Variants in MAML2 observed in about 807,000 individuals in gnomAD.
The protein encoded by MAML2 is mastermind like transcriptional coactivator 2, also known as mastermind-like protein 2.
A neutral mutation model predicts 96.1 loss-of-function variants in MAML2; 22 were observed. The ratio of observed to expected loss-of-function variants is 0.23; its 90% CI spans 0.16 to 0.33. The LOEUF is 0.33. Among genes scored for constraint, MAML2 ranks in the 10% least tolerant of loss-of-function variants. The pLI, the probability that MAML2 is intolerant of heterozygous loss-of-function variation, is 1.00. For synonymous variants in MAML2, 561 were observed against 521.3 expected, an observed-to-expected ratio of 1.08 and a Z score of -1.04; for missense variants, 1,367 against 1,392.4, an observed-to-expected ratio of 0.98 and a Z score of 0.29.
intron 1 of MAML2, among the ~76,000 whole-genome samples, chr11:96,331,736 C>T (rs376138345): frequency 1.6e-4 from 24 of 149,070 alleles, no homozygotes; most frequent in East Asian, 1.6e-3. Context: ...GGGAATCACG[C>T]GAACCCAGGA....
intron 1 of MAML2, among the ~76,000 whole-genome samples, chr11:96,280,640 A>G (rs1356552841): frequency 1.3e-5 from 2 of 152,226 alleles, no homozygotes; most frequent in Admixed American, 1.3e-4. Context: ...CCTAAGGTGA[A>G]AGACTCACTG....
chr11:96,246,015 A>G (rs1862507982), intron 1 of MAML2, among the ~76,000 whole-genome samples: 1 of 150,854 alleles, frequency 6.6e-6, no homozygotes, highest in South Asian at 2.1e-4. Context: ...TTAATTCTTT[A>G]TATTTCACAT....
In MAML2 at chr11:96,092,605, C is replaced by T. The variant is rs1422917113; in HGVS notation, c.1426G>A (p.Gly476Arg). 3 of 1,611,954 alleles carry T rather than the reference C, an allele frequency of 1.9e-6. No homozygotes were observed. Among genetic ancestry groups the T allele is most frequent in the South Asian group, 1.1e-5 (1 of 90,998 alleles). The change falls in exon 2 of 5, where the codon GGG becomes AGG. Residue 476 changes from glycine to arginine, a missense_variant. By Grantham distance (125) the Gly-to-Arg change is moderately radical. Coordinates refer to ENST00000524717, the MANE Select transcript of MAML2 (RefSeq NM_032427.4). The surrounding 1 kb of genome is among the most constrained non-coding windows in gnomAD (Gnocchi z 4.1). ...GAAGGGCTGGGGATTTTCTCCTGCCCAAATGGACCTGGTGATGGTCCAGCA... is the reference window on the plus strand; with the variant it reads ...GAAGGGCTGGGGATTTTCTCCTGCCTAAATGGACCTGGTGATGGTCCAGCA... Reference protein sequence around the residue: ...SSAGPSPGPFGQEKIPSPSFG... With the variant: ...SSAGPSPGPFRQEKIPSPSFG...
chr11:96,295,686 AC>A, intron 1 of MAML2, among the ~76,000 whole-genome samples: 1 of 94,666 alleles, frequency 1.1e-5, no homozygotes, highest in Admixed American at 1.1e-4. Context: ...GCTGTAACAC[AC>A]ACACACACAC....
intron 2 of MAML2, among the ~76,000 whole-genome samples, chr11:96,052,608 T>G (rs781332097): frequency 1.3e-5 from 2 of 152,188 alleles, no homozygotes; most frequent in Non-Finnish European, 2.9e-5. Context: ...TGGTTCCTTT[T>G]TATCCACCAG....
chr11:96,008,037 AAAT>A lies in MAML2; in HGVS notation c.2140-16317_2140-16315del, dbSNP rs199712053. Among the ~76,000 whole-genome samples, 182 of 112,056 alleles carry A rather than the reference AAAT, an allele frequency of 1.6e-3. 1 individual carries two copies. The highest frequency in any genetic ancestry group is 7.8e-3 in the East Asian group (21 of 2,688). 73.5% of individuals were successfully genotyped at this position (112,056 alleles called of 152,430 possible). ...AACTTAAAGTATAAAAAAAAAAAAA[AAAT>A]TTTTCAGTGAAATGACGAATATCAA... is the stretch of plus-strand genomic sequence containing the variant. On this transcript the variant is annotated intron_variant, in intron 2 of 4. Transcript: ENST00000524717.
chr11:96,255,223 T>G (rs1862645566), intron 1 of MAML2, among the ~76,000 whole-genome samples: 1 of 152,236 alleles, frequency 6.6e-6, no homozygotes, highest in Non-Finnish European at 1.5e-5. Context: ...AAAGACAAAA[T>G]TATCAATATG....
intron 2 of MAML2, among the ~76,000 whole-genome samples, chr11:95,996,881 C>CCAA (rs2135714118): frequency 6.6e-6 from 1 of 152,152 alleles, no homozygotes; most frequent in Admixed American, 6.5e-5. Flanking sequence ...TGTTTTTTCC[C>CCAA]CAACACACAT....
intron 2 of MAML2, among the ~76,000 whole-genome samples, chr11:96,058,381 C>G (rs1213028370): frequency 2.0e-5 from 3 of 152,048 alleles, no homozygotes; most frequent in African/African-American, 7.2e-5. Flanking sequence ...GTGCAGTGGC[C>G]CGATCTTGGC....
At chr11:96,307,219 T>C (rs1217008153) in intron 1 of MAML2, among the ~76,000 whole-genome samples, 1 of 152,238 alleles carries the variant, frequency 6.6e-6, no homozygotes, top group African/African-American at 2.4e-5. Context: ...AGGATATCAT[T>C]GCAGCCAGCC....
At chr11:96,197,557 T>C (rs953530374) in intron 1 of MAML2, among the ~76,000 whole-genome samples, 1 of 152,208 alleles carries the variant, frequency 6.6e-6, no homozygotes, top group African/African-American at 2.4e-5. Context: ...TCATTTCTCG[T>C]ATCTTTATTG....
intron 1 of MAML2, among the ~76,000 whole-genome samples, chr11:96,299,060 A>AATATATATATATATATATATAT (rs1555037073): frequency 1.8e-3 from 100 of 56,248 alleles, no homozygotes; most frequent in South Asian, 2.7e-3. Context: ...AAAAAAAAAA[A>AATATATATATATATATATATAT]ATATATATAT....
intron 2 of MAML2, among the ~76,000 whole-genome samples, chr11:96,038,304 C>A (rs553286435): frequency 4.5e-4 from 69 of 152,316 alleles, no homozygotes; most frequent in Middle Eastern, 6.8e-3. Flanking sequence ...TACACATCTT[C>A]ATCGTTCCTT....
chr11:96,029,255 T>C (rs899064649), intron 2 of MAML2, among the ~76,000 whole-genome samples: 2 of 152,068 alleles, frequency 1.3e-5, no homozygotes, highest in African/African-American at 4.8e-5. Context: ...TGAGACTATT[T>C]CAGGAAATTA....
At chr11:96,004,884 T>A (rs1278583760) in intron 2 of MAML2, among the ~76,000 whole-genome samples, 1 of 152,174 alleles carries the variant, frequency 6.6e-6, no homozygotes, top group African/African-American at 2.4e-5. Context: ...TGAAACTTAA[T>A]CCTCAGGGTA....
chr11:96,292,918 G>C (rs1176685078), intron 1 of MAML2, among the ~76,000 whole-genome samples: 2 of 151,856 alleles, frequency 1.3e-5, no homozygotes, highest in South Asian at 4.2e-4. Flanking sequence ...GGCATATGTA[G>C]GTCAATTCAA....
intron 1 of MAML2, among the ~76,000 whole-genome samples, chr11:96,110,770 T>C (rs969185357): frequency 3.3e-5 from 5 of 152,160 alleles, no homozygotes; most frequent in African/African-American, 1.2e-4. Context: ...ATTGAGTGGG[T>C]TGAATGAAAA....
chr11:96,122,748 A>T (rs1313907018), intron 1 of MAML2, among the ~76,000 whole-genome samples: 1 of 152,196 alleles, frequency 6.6e-6, no homozygotes, highest in African/African-American at 2.4e-5. Context: ...GGAAAAGCTC[A>T]ATTATACCAT....
At chr11:96,052,888 C>T (rs190739498) in intron 2 of MAML2, among the ~76,000 whole-genome samples, 3 of 152,288 alleles carry the variant, frequency 2.0e-5, no homozygotes, top group East Asian at 1.9e-4. Context: ...GAGCCAGAAA[C>T]GATCTAAGGC....
Sources: allele counts gnomAD v4.1 joint callset (sites outside exome capture counted in the v4.1 genomes callset), GRCh38; gene constraint gnomAD v4.1.1; non-coding constraint Gnocchi (gnomAD v3.1); transcripts MANE v1.5; gene names NCBI Gene and HGNC (gene_info 2026-07-23, HGNC 2026-07-21).